The following COMT variants were observed in gnomAD, a reference collection of about 807,000 sequenced individuals.
COMT encodes the protein catechol-O-methyltransferase, also known as catechol O-methyltransferase.
Under a neutral mutation model 18.9 loss-of-function variants are expected in COMT, and 13 were observed. The observed-to-expected ratio is 0.69, with a 90% CI of 0.45 to 1.09. COMT has a LOEUF of 1.09. Ranked by LOEUF, COMT falls within the 50% of genes least tolerant of loss-of-function variation. COMT has a pLI of 0.00. For synonymous variants in COMT, 150 were observed against 160.9 expected, an observed-to-expected ratio of 0.93 and a Z score of 0.51; for missense variants, 329 against 361.8, an observed-to-expected ratio of 0.91 and a Z score of 0.73.
At chr22:19,947,826 T>G (rs1183686135) in intron 1 of COMT, among the ~76,000 whole-genome samples, 1 of 152,154 alleles carries the variant, frequency 6.6e-6, no homozygotes, top group South Asian at 2.1e-4. Context: ...CCCGGTCTGC[T>G]AAGTAACGGG....
chr22:19,951,200 A>C (rs1941928101), intron 1 of COMT: 1 of 152,170 alleles, frequency 6.6e-6, no homozygotes, highest in South Asian at 2.1e-4. Context: ...TCTACTAAAA[A>C]TACAAAAAAT....
intron 1 of COMT, among the ~76,000 whole-genome samples, chr22:19,946,843 A>G (rs956395062): frequency 2.6e-5 from 4 of 151,718 alleles, no homozygotes; most frequent in African/African-American, 9.7e-5. Flanking sequence ...GAATCCTTAT[A>G]TTAACATTTA....
At chr22:19,958,669 C>T (rs1942119891) in intron 1 of COMT, among the ~76,000 whole-genome samples, 1 of 136,988 alleles carries the variant, frequency 7.3e-6, no homozygotes, top group African/African-American at 2.8e-5. Context: ...CACTTGAGCT[C>T]AGGAGACTAG....
chr22:19,946,910 G>GGTTTTTTTTT (rs763607822), intron 1 of COMT, among the ~76,000 whole-genome samples: 2 of 117,120 alleles, frequency 1.7e-5, no homozygotes. Context: ...TTTTTTTTTA[G>GGTTTTTTTTT]TTTTTTTTTT....
At chr22:19,961,785 G>T (rs1438725768) in intron 2 of COMT, 2 of 152,438 alleles carry the variant, frequency 1.3e-5, no homozygotes, top group African/African-American at 4.8e-5. Context: ...GCTTCTGTCT[G>T]GTTCCCAGGC....
At chr22:19,943,603 C>G (rs897838760) in intron 1 of COMT, among the ~76,000 whole-genome samples, 1 of 150,672 alleles carries the variant, frequency 6.6e-6, no homozygotes, top group Non-Finnish European at 1.5e-5. Context: ...GATCTTGCCT[C>G]TATACTCCAG....
At chr22:19,952,674 C>T (rs555945529) in intron 1 of COMT, among the ~76,000 whole-genome samples, 2 of 149,364 alleles carry the variant, frequency 1.3e-5, no homozygotes, top group South Asian at 4.3e-4. Context: ...AAAAAACAGC[C>T]GAGCGCAGTG....
At chr22:19,963,808 G>A in intron 4 of COMT, 49 bp downstream of exon 4, 1 of 1,571,242 alleles carries the variant, frequency 6.4e-7, no homozygotes, top group Non-Finnish European at 8.6e-7. Flanking sequence ...GCCGGCTGTG[G>A]GCAGGGAGGG....
intron 1 of COMT, chr22:19,950,970 G>C (rs1026890381): frequency 6.6e-6 from 1 of 152,212 alleles, no homozygotes; most frequent in Non-Finnish European, 1.5e-5. Flanking sequence ...CAGAACAGAG[G>C]GGGCAAGACA....
At chr22:19,949,520 G>A (rs1941892444) in intron 1 of COMT, among the ~76,000 whole-genome samples, 1 of 152,018 alleles carries the variant, frequency 6.6e-6, no homozygotes, top group Admixed American at 6.6e-5. Flanking sequence ...CTTTGTATAG[G>A]AAATTGTTTC....
At chr22:19,951,829 C>T (rs1211698177) in intron 1 of COMT, among the ~76,000 whole-genome samples, 1 of 152,164 alleles carries the variant, frequency 6.6e-6, no homozygotes, top group East Asian at 1.9e-4. Context: ...CTTGGGAAAC[C>T]AATCTGGGTT....
intron 1 of COMT, among the ~76,000 whole-genome samples, chr22:19,944,822 AAAAAC>A (rs372008105): frequency 4.6e-5 from 7 of 152,072 alleles, no homozygotes; most frequent in South Asian, 2.1e-4. Context: ...ACTGCGTCTC[AAAAAC>A]AAAACAAAAC....
Position 19,968,620 on chromosome 22 carries a change from C to T in COMT, c.700C>T (p.Arg234Cys), listed in dbSNP as rs139449932. ...TGCGCCAGACTTCCTAGCACACGTG[C>T]GCGGGAGCAGCTGCTTTGAGTGCAC... ...PGAPDFLAHVRGSSCFECTHY... is the reference protein window; with the variant it reads ...PGAPDFLAHVCGSSCFECTHY... The change falls in exon 6 of 6, where the codon CGC (arginine) becomes TGC (cysteine). Residue 234 changes from arginine (R) to cysteine (C), a missense_variant. By Grantham distance (180) the Arg-to-Cys change is radical. Transcript: ENST00000361682. The T allele has an allele frequency of 3.5e-4, 562 of 1,613,976 alleles. 1 individual carries two copies. Among genetic ancestry groups the T allele is most frequent in the Non-Finnish European group, 4.5e-4 (528 of 1,180,020 alleles).
At chr22:19,966,544 G>C (rs1458693948) in intron 5 of COMT, among the ~76,000 whole-genome samples, 2 of 151,606 alleles carry the variant, frequency 1.3e-5, no homozygotes, top group African/African-American at 4.9e-5. Context: ...GAGCTCCAGT[G>C]ATCCTCCCAC....
In COMT at chr22:19,969,042, C is replaced by T. The variant is rs1287968913; in HGVS notation, c.*306C>T. The T allele has an allele frequency of 7.4e-6, 2 of 271,000 alleles. No homozygotes were observed. The highest frequency in any genetic ancestry group is 1.5e-5 in the Non-Finnish European group (2 of 137,820). The allele number at this position is 271,000 out of a possible 1,614,324, so 16.8% of individuals were successfully genotyped here. On this transcript the variant is annotated 3_prime_UTR_variant, in exon 6 of 6. Transcript: ENST00000361682. ...TATTTAGATATAACTCGACTTAGTACATCCTTCTCAACTGCCATTCCCCTG... is the reference window on the plus strand; with the variant it reads ...TATTTAGATATAACTCGACTTAGTATATCCTTCTCAACTGCCATTCCCCTG...
chr22:19,968,914 T>C lies in COMT; in HGVS notation c.*178T>C. 1.6e-6 allele frequency: 1 copy of C among 617,836 alleles called. No homozygotes were observed. Among genetic ancestry groups the C allele is most frequent in the South Asian group, 1.9e-5 (1 of 53,322 alleles). The allele number at this position is 617,836 out of a possible 1,614,324, so 38.3% of individuals were successfully genotyped here. On this transcript the variant is annotated 3_prime_UTR_variant, in exon 6 of 6. Coordinates refer to ENST00000361682, the MANE Select transcript of COMT (RefSeq NM_000754.4). ...GAACTGCAACACTGGATTGTTCTTT[T>C]TTAAGACTCAATCATGACTTCTTTA...
chr22:19,966,429 TC>T (rs1200619378), intron 5 of COMT, among the ~76,000 whole-genome samples: 98 of 112,306 alleles, frequency 8.7e-4, no homozygotes, highest in African/African-American at 3.5e-3. Flanking sequence ...AGGAATGAGT[TC>T]CCCCTTAAAA....
At position 19,963,636 on chromosome 22, in the gene COMT, C is replaced by T. The variant is rs773235901; in HGVS notation, c.360C>T (p.Gly120=). 1 of 1,612,982 alleles carries T rather than the reference C, an allele frequency of 6.2e-7. No individual in the cohort carries two copies. Among genetic ancestry groups the T allele is most frequent in the Non-Finnish European group, 8.5e-7 (1 of 1,180,022 alleles). The change falls in exon 4 of 6, where the codon GGC becomes GGT. Residue 120 remains glycine (G), a synonymous_variant. Coordinates refer to ENST00000361682, the MANE Select transcript of COMT (RefSeq NM_000754.4). ...SVLLELGAYC[G]YSAVRMARLL... is the part of the protein sequence containing the mutation. ...TGCTGGAGCTGGGGGCCTACTGTGG[C>T]TACTCAGCTGTGCGCATGGCCCGCC...
chr22:19,955,583 G>A (rs1057021092), intron 1 of COMT, among the ~76,000 whole-genome samples: 1 of 152,228 alleles, frequency 6.6e-6, no homozygotes, highest in African/African-American at 2.4e-5. Flanking sequence ...CCTGTGTGCC[G>A]AGCAGAGCTG....
Sources: allele counts gnomAD v4.1 joint callset (sites outside exome capture counted in the v4.1 genomes callset), GRCh38; gene constraint gnomAD v4.1.1; transcripts MANE v1.5; gene names NCBI Gene and HGNC (gene_info 2026-07-23, HGNC 2026-07-21).